The following SGK3 variants were observed in gnomAD, a reference collection of about 807,000 sequenced individuals.
SGK3 encodes serum/glucocorticoid regulated kinase family member 3.
Under a neutral mutation model 68.5 loss-of-function variants are expected in SGK3, and 47 were observed. The observed-to-expected ratio is 0.69, with a 90% CI of 0.54 to 0.87. The LOEUF (loss-of-function observed/expected upper bound fraction) is 0.87, where lower values mean the gene tolerates loss of function less well. Among genes scored for constraint, SGK3 ranks in the 40% least tolerant of loss-of-function variants. The pLI, the probability that SGK3 is intolerant of heterozygous loss-of-function variation, is 0.00. For synonymous variants in SGK3, 181 were observed against 189.1 expected, an observed-to-expected ratio of 0.96 and a Z score of 0.35; for missense variants, 479 against 575.5, an observed-to-expected ratio of 0.83 and a Z score of 1.72.
At chr8:66,730,192 G>C (rs886640024) in intron 1 of SGK3, among the ~76,000 whole-genome samples, 14 of 151,868 alleles carry the variant, frequency 9.2e-5, no homozygotes, top group Non-Finnish European at 7.4e-5. Context: ...GTTTTGATTT[G>C]CATTTTCTGA....
At chr8:66,848,539 A>C (rs140734266) in intron 15 of SGK3, among the ~76,000 whole-genome samples, 1 of 152,318 alleles carries the variant, frequency 6.6e-6, no homozygotes, top group East Asian at 1.9e-4. Context: ...CCTGCTATCA[A>C]ATCCACAGAC....
At chr8:66,843,352 ATG>A in intron 13 of SGK3, 98 bp from the exon 14 acceptor site, 1 of 1,186,530 alleles carries the variant, frequency 8.4e-7, no homozygotes, top group Non-Finnish European at 1.2e-6. Flanking sequence ...TGGTTTCAGT[ATG>A]ATAGCAACAA....
At chr8:66,745,850 C>T (rs1805640600) in intron 1 of SGK3, among the ~76,000 whole-genome samples, 1 of 152,124 alleles carries the variant, frequency 6.6e-6, no homozygotes, top group Non-Finnish European at 1.5e-5. Flanking sequence ...CCTCATATGG[C>T]AAAAGAGTGA....
chr8:66,823,879 A>C (rs9694590), intron 6 of SGK3, among the ~76,000 whole-genome samples: 3,110 of 152,280 alleles, frequency 0.02, 110 homozygotes, highest in African/African-American at 0.069. Flanking sequence ...ATATCTACAT[A>C]ATTTAAACTT....
rs867803355 is a variant in SGK3 at position 66,840,027 on chromosome 8, C to T, written c.766C>T (p.Arg256Trp). Residue 256 changes from arginine (R) to tryptophan (W), a missense_variant, in exon 11 of 17, where the codon CGG (arginine) becomes TGG (tryptophan). Physicochemically the swap from Arg to Trp is moderately radical, Grantham distance 101 (BLOSUM62 -3). Coordinates refer to ENST00000521198, the MANE Select transcript of SGK3 (RefSeq NM_001033578.3). ...GELFFHLQRE[R>W]SFPEHRARFY... Reference sequence around the variant, plus strand: ...GCTTTTTTTCCACTTACAAAGAGAACGGTCCTTTCCTGAGCACAGAGCTAG... The same window carrying T: ...GCTTTTTTTCCACTTACAAAGAGAATGGTCCTTTCCTGAGCACAGAGCTAG... 6 of 1,611,304 alleles carry T rather than the reference C, an allele frequency of 3.7e-6. No homozygotes were observed. The highest frequency in any genetic ancestry group is 1.3e-5 in the African/African-American group (1 of 74,768).
At chr8:66,744,529 T>G (rs1563605796) in intron 1 of SGK3, among the ~76,000 whole-genome samples, 3 of 112,876 alleles carry the variant, frequency 2.7e-5, no homozygotes, top group Admixed American at 9.9e-5. Flanking sequence ...ATTTTTTTTT[T>G]TTTTTTTTTT....
At chr8:66,757,468 A>G (rs547045610) in intron 1 of SGK3, among the ~76,000 whole-genome samples, 3 of 151,750 alleles carry the variant, frequency 2.0e-5, no homozygotes, top group South Asian at 2.1e-4. Context: ...TCCTCTTTCA[A>G]TGGTTGTATG....
intron 1 of SGK3, among the ~76,000 whole-genome samples, chr8:66,723,092 T>C (rs1284704369): frequency 1.6e-4 from 3 of 19,204 alleles, no homozygotes; most frequent in Non-Finnish European, 1.8e-4. Flanking sequence ...ATTTTGTTCA[T>C]ATATATATAT....
chr8:66,802,949 G>T (rs973442027), intron 3 of SGK3, among the ~76,000 whole-genome samples: 1 of 151,958 alleles, frequency 6.6e-6, no homozygotes, highest in Non-Finnish European at 1.5e-5. Flanking sequence ...ACATCATATC[G>T]TTTCATCTGT....
In SGK3 at chr8:66,859,648, G is replaced by A; in HGVS notation, c.*67G>A. On this transcript the variant is annotated 3_prime_UTR_variant, in exon 17 of 17. Transcript: ENST00000521198. ...AGATGGGACTGAAACTTCTATTTGT[G>A]TGAATATATTCAAATATGTATAACT... The A allele has an allele frequency of 6.8e-7, 1 of 1,466,418 alleles. No homozygotes were observed. Among genetic ancestry groups the A allele is most frequent in the Non-Finnish European group, 9.1e-7 (1 of 1,092,980 alleles). 90.8% of individuals were successfully genotyped at this position (1,466,418 alleles called of 1,614,324 possible). A position where few individuals can be genotyped will look rare whatever the true frequency, so the allele number is the denominator to read the frequency against.
In SGK3 at chr8:66,753,806, C is replaced by T. The variant is rs141051116; in HGVS notation, c.-121-39810C>T. ...TGCACTCCAGCTTGGGCAGCAAGAG[C>T]GAAACTCCCTCTCAAAAAAAAGAAA... On this transcript the variant is annotated intron_variant, in intron 1 of 16. Transcript: ENST00000521198. Among the ~76,000 whole-genome samples, 11 of 152,010 alleles carry T rather than the reference C, an allele frequency of 7.2e-5. No individual in the cohort carries two copies. The East Asian group carries it at 1.5e-3, about 21-fold the overall frequency.
chr8:66,731,558 G>A (rs149328582), intron 1 of SGK3, among the ~76,000 whole-genome samples: 4,255 of 151,876 alleles, frequency 0.028, 189 homozygotes, highest in African/African-American at 0.096. Flanking sequence ...TGTTTGAGAC[G>A]GAGTCTTGCT....
chr8:66,749,498 T>C (rs572457715), intron 1 of SGK3, among the ~76,000 whole-genome samples: 30 of 152,210 alleles, frequency 2.0e-4, no homozygotes, highest in African/African-American at 7.2e-4. Context: ...AGTACGAACA[T>C]TGACTTCTGG....
chr8:66,846,184 A>C (rs1317691640), intron 14 of SGK3, among the ~76,000 whole-genome samples: 1 of 152,204 alleles, frequency 6.6e-6, no homozygotes, highest in Non-Finnish European at 1.5e-5. Flanking sequence ...TGGACACATT[A>C]ATTCAAAAGG....
intron 4 of SGK3, among the ~76,000 whole-genome samples, chr8:66,808,731 C>A (rs1466232564): frequency 1.3e-5 from 2 of 149,676 alleles, no homozygotes; most frequent in African/African-American, 2.5e-5. Context: ...AGGCTGGTCT[C>A]GAACTCCTGA....
intron 6 of SGK3, among the ~76,000 whole-genome samples, chr8:66,826,686 C>G (rs1285958149): frequency 6.7e-6 from 1 of 148,536 alleles, no homozygotes; most frequent in African/African-American, 2.6e-5. Context: ...ATTTTGTCAC[C>G]CACGGTGGAA....
chr8:66,812,573 A>AT (rs1808420975), intron 4 of SGK3, among the ~76,000 whole-genome samples: 1 of 151,980 alleles, frequency 6.6e-6, no homozygotes, highest in African/African-American at 2.4e-5. Context: ...AAAAAAAAAA[A>AT]GAGGGTTTAG....
intron 6 of SGK3, among the ~76,000 whole-genome samples, 174 bp downstream of exon 6, chr8:66,822,633 T>G (rs981933616): frequency 1.3e-5 from 2 of 152,148 alleles, no homozygotes; most frequent in Admixed American, 6.5e-5. Flanking sequence ...TTCTTTTTTC[T>G]TTTGAGATGG....
intron 1 of SGK3, chr8:66,767,369 A>C: frequency 8.8e-7 from 1 of 1,138,990 alleles, no homozygotes; most frequent in Non-Finnish European, 1.3e-6. Context: ...TAATAGAAAT[A>C]TACACAAACT....
Sources: allele counts gnomAD v4.1 joint callset (sites outside exome capture counted in the v4.1 genomes callset), GRCh38; gene constraint gnomAD v4.1.1; transcripts MANE v1.5; gene names NCBI Gene and HGNC (gene_info 2026-07-23, HGNC 2026-07-21).